The following TRIM74 variants were observed in gnomAD, a reference collection of about 807,000 sequenced individuals.
The protein encoded by TRIM74 is tripartite motif containing 74.
A neutral mutation model predicts 14.5 loss-of-function variants in TRIM74; 3 were observed. The ratio of observed to expected loss-of-function variants is 0.21; its 90% CI spans 0.09 to 0.53. TRIM74 has a LOEUF of 0.53. Among genes scored for constraint, TRIM74 ranks in the 20% least tolerant of loss-of-function variants. The pLI is 0.95. For missense variants in TRIM74, 26 were observed against 174.0 expected (o/e 0.15, Z 4.79); for synonymous variants, 10 against 71.3 (o/e 0.14, Z 4.33).
At chr7:72,967,245 T>TC (rs1441686093) in intron 1 of TRIM74, among the ~76,000 whole-genome samples, 1 of 116,528 alleles carries the variant, frequency 8.6e-6, no homozygotes, top group Admixed American at 8.2e-5. Context: ...ATATCCTTTT[T>TC]TGGGGGGGGT....
At chr7:72,966,792 A>C (rs1304979755) in intron 1 of TRIM74, 12 of 83,772 alleles carry the variant, frequency 1.4e-4, no homozygotes, top group African/African-American at 2.0e-4. Context: ...GAGACAGAAG[A>C]AGCACCAGAA....
At chr7:72,967,294 G>A (rs1191069093) in intron 1 of TRIM74, among the ~76,000 whole-genome samples, 2 of 150,268 alleles carry the variant, frequency 1.3e-5, no homozygotes, top group African/African-American at 4.9e-5. Context: ...GTCTTGCTCT[G>A]TTGCCCAGGC....
At chr7:72,967,434 T>A (rs1448111044) in intron 1 of TRIM74, among the ~76,000 whole-genome samples, 8 of 151,958 alleles carry the variant, frequency 5.3e-5, no homozygotes, top group Non-Finnish European at 1.0e-4. Flanking sequence ...ATTTTTAAAA[T>A]TTTTTTTGTA....
In TRIM74 at chr7:72,969,431, C is replaced by T; in HGVS notation, c.-165G>A. On this transcript the variant is annotated 5_prime_UTR_variant, in exon 1 of 5. Coordinates refer to ENST00000285805, the MANE Select transcript of TRIM74 (RefSeq NM_198853.3). ...TGCCCCGCACGCTCTGGTTACATGC[C>T]CCGCCTGGCGCTCCCGCACATGCCC... 1.7e-6 allele frequency: 1 copy of T among 573,098 alleles called. No individual in the cohort carries two copies. The highest frequency in any genetic ancestry group is 3.1e-6 in the Non-Finnish European group (1 of 323,330). 35.5% of individuals were successfully genotyped at this position (573,098 alleles called of 1,614,324 possible).
At chr7:72,955,629 A>C (rs1798081159), downstream of TRIM74, among the ~76,000 whole-genome samples, 1 of 150,260 alleles carries the variant, frequency 6.7e-6, no homozygotes, top group African/African-American at 2.5e-5. Flanking sequence ...CGGTTTGGCC[A>C]AATTAAATGA....
At position 72,960,218 on chromosome 7, in the gene TRIM74, GGCGGATCACCCA is replaced by G; in HGVS notation, c.517_528del (p.Trp173_Arg176del). ...GGGTGGCGCAGCTCCTGGAACTCGC[GGCGGATCACCCA>G]GCTGAAGACATCCGACTCATTCTGG... On this transcript the variant is annotated inframe_deletion, in exon 4 of 5. Transcript: ENST00000285805. 1 of 1,419,624 alleles carries G rather than the reference GGCGGATCACCCA, an allele frequency of 7.0e-7. No homozygotes were observed. Among genetic ancestry groups the G allele is most frequent in the South Asian group, 1.2e-5 (1 of 80,820 alleles). The allele number at this position is 1,419,624 out of a possible 1,614,324, so 87.9% of individuals were successfully genotyped here. A position where few individuals can be genotyped will look rare whatever the true frequency, so the allele number is the denominator to read the frequency against.
chr7:72,969,314 C>A lies in TRIM74; in HGVS notation c.-48G>T. On this transcript the variant is annotated 5_prime_UTR_variant, in exon 1 of 5. Transcript: ENST00000285805. ...CCTCCGGCCCCTGTAAGTGCCCCAT[C>A]GTGCTCTCTGTCGCTCCAGTTAGAT... 2.9e-6 allele frequency: 1 copy of A among 348,456 alleles called. No homozygotes were observed. Among genetic ancestry groups the A allele is most frequent in the South Asian group, 3.1e-5 (1 of 32,710 alleles). 21.6% of individuals were successfully genotyped at this position (348,456 alleles called of 1,614,324 possible).
chr7:72,966,921 C>T (rs1798293988), intron 1 of TRIM74: 1 of 141,584 alleles, frequency 7.1e-6, no homozygotes, highest in Non-Finnish European at 1.5e-5. Flanking sequence ...ACAGCAGGCA[C>T]AGAGTCAGAA....
chr7:72,966,950 C>T (rs1245213155), intron 1 of TRIM74: 15 of 143,562 alleles, frequency 1.0e-4, no homozygotes, highest in South Asian at 7.3e-4. Flanking sequence ...TGCAGCTGGA[C>T]GCCTGCACCA....
At chr7:72,954,883 C>T (rs1386895671), downstream of TRIM74, 1 of 539,318 alleles carries the variant, frequency 1.9e-6, no homozygotes, top group East Asian at 3.3e-5. Flanking sequence ...GAGTGCGACG[C>T]TGCGGGCGCA....
chr7:72,955,111 A>ATATATATATATTTTTTT (rs1346659193), downstream of TRIM74: 1 of 112,068 alleles, frequency 8.9e-6, no homozygotes, highest in African/African-American at 4.1e-5. Flanking sequence ...ATATATATAT[A>ATATATATATATTTTTTT]TTTTTTTTTT....
In TRIM74 at chr7:72,960,196, T is replaced by C; in HGVS notation, c.551A>G (p.His184Arg). The C allele has an allele frequency of 6.8e-7, 1 of 1,471,062 alleles. No homozygotes were observed. The highest frequency in any genetic ancestry group is 2.5e-5 in the East Asian group (1 of 40,388). 91.1% of individuals were successfully genotyped at this position (1,471,062 alleles called of 1,614,324 possible). A position where few individuals can be genotyped will look rare whatever the true frequency, so the allele number is the denominator to read the frequency against. The part of the protein sequence containing the change: ...VIRREFQELR[H>R]PVDEEKARCL... ...GCGGGCCTTCTCCTCGTCCACCGGG[T>C]GGCGCAGCTCCTGGAACTCGCGGCG... The change falls in exon 4 of 5, where the codon CAC becomes CGC. Residue 184 changes from histidine to arginine, a missense_variant. His to Arg is a conservative substitution (Grantham distance 29, BLOSUM62 0). Transcript: ENST00000285805.
At chr7:72,969,062 CCCACGTGCCCCA>C (rs1444129577) in intron 1 of TRIM74, among the ~76,000 whole-genome samples, 3 of 130,980 alleles carry the variant, frequency 2.3e-5, no homozygotes, top group Non-Finnish European at 4.8e-5. Flanking sequence ...CTGAACCTGC[CCCACGTGCCCCA>C]CCACGCAGCC....
Position 72,960,368 on chromosome 7 carries a change from A to AG in TRIM74, c.496-118dup, listed in dbSNP as rs1190365305. ...GGGTTGGTCCTGGGACCTGAGTCTCAGGGGAGGCTGCATGGCCTGGCGCCG... is the reference window on the plus strand; with the variant it reads ...GGGTTGGTCCTGGGACCTGAGTCTCAGGGGGAGGCTGCATGGCCTGGCGCCG... On this transcript the variant is annotated intron_variant, in intron 3 of 4. Coordinates refer to ENST00000285805, the MANE Select transcript of TRIM74 (RefSeq NM_198853.3). The AG allele has an allele frequency of 1.3e-5, 6 of 462,246 alleles. No individual in the cohort carries two copies. In the Admixed American group the frequency reaches 3.1e-4, roughly 24 times the overall value. 28.6% of individuals were successfully genotyped at this position (462,246 alleles called of 1,614,324 possible).
chr7:72,969,434 GC>G lies in TRIM74; in HGVS notation c.-169del, dbSNP rs1199209794. 1.8e-6 allele frequency: 1 copy of G among 561,098 alleles called. No individual in the cohort carries two copies. Among genetic ancestry groups the G allele is most frequent in the Non-Finnish European group, 3.1e-6 (1 of 318,456 alleles). The allele number at this position is 561,098 out of a possible 1,614,324, so 34.8% of individuals were successfully genotyped here. A position where few individuals can be genotyped will look rare whatever the true frequency, so the allele number is the denominator to read the frequency against. ...CCCGCACGCTCTGGTTACATGCCCCGCCTGGCGCTCCCGCACATGCCCCATC... is the reference window on the plus strand; with the variant it reads ...CCCGCACGCTCTGGTTACATGCCCCGCTGGCGCTCCCGCACATGCCCCATC... On this transcript the variant is annotated 5_prime_UTR_variant, in exon 1 of 5. It introduces an in-frame stop codon into an upstream open reading frame of the 5' UTR. Transcript: ENST00000285805.
At chr7:72,963,720 A>T (rs1361681511) in intron 2 of TRIM74, among the ~76,000 whole-genome samples, 2 of 146,006 alleles carry the variant, frequency 1.4e-5, no homozygotes, top group African/African-American at 5.0e-5. Flanking sequence ...AAAAAAAAAA[A>T]ATTAAGCCCA....
chr7:72,956,645 T>A (rs1336921406), downstream of TRIM74, among the ~76,000 whole-genome samples: 3 of 146,820 alleles, frequency 2.0e-5, no homozygotes, highest in African/African-American at 7.6e-5. Context: ...AAACCTGGGG[T>A]GGTGGAGTGA....
chr7:72,954,988 T>C, downstream of TRIM74: 2 of 587,864 alleles, frequency 3.4e-6, no homozygotes, highest in Non-Finnish European at 5.9e-6. Context: ...AATAATGGGA[T>C]TTTACTGCTG....
chr7:72,955,682 TTTTTGC>T (rs1219952033), downstream of TRIM74, among the ~76,000 whole-genome samples: 3 of 143,870 alleles, frequency 2.1e-5, no homozygotes, highest in Admixed American at 6.9e-5. Flanking sequence ...AACGGTTTTG[TTTTTGC>T]TTTTGATGAG....
Sources: gnomAD v4.1 joint callset for allele counts (sites outside exome capture counted in the v4.1 genomes callset) on GRCh38, gnomAD v4.1.1 for gene constraint, MANE v1.5 for transcripts, NCBI Gene and HGNC (gene_info 2026-07-23, HGNC 2026-07-21) for gene names.